NDUFA10: variants seen among roughly 807,000 people sequenced by gnomAD.
The protein encoded by NDUFA10 is NADH:ubiquinone oxidoreductase subunit A10, also known as NADH dehydrogenase [ubiquinone] 1 alpha subcomplex subunit 10, mitochondrial.
A neutral mutation model predicts 47.8 loss-of-function variants in NDUFA10; 40 were observed. The ratio of observed to expected loss-of-function variants is 0.84; its 90% CI spans 0.65 to 1.09. The LOEUF is 1.09. NDUFA10 is among the 50% of genes least tolerant of loss of function. The pLI is 0.00. For missense variants in NDUFA10, 413 were observed against 451.1 expected (o/e 0.92, Z 0.76); for synonymous variants, 183 against 172.2 (o/e 1.06, Z -0.49).
chr2:239,894,783 C>G (rs1256741339), intron 5 of NDUFA10, among the ~76,000 whole-genome samples: 1 of 152,162 alleles, frequency 6.6e-6, no homozygotes, highest in Non-Finnish European at 1.5e-5. Flanking sequence ...CTCACCATGG[C>G]TGTCTTTTGA....
intron 4 of NDUFA10, among the ~76,000 whole-genome samples, chr2:239,916,594 G>A (rs891657086): frequency 3.9e-5 from 6 of 152,248 alleles, no homozygotes; most frequent in African/African-American, 1.4e-4. Context: ...TACCAACGCT[G>A]CACAAGTGAT....
At position 239,931,108 on chromosome 2, in the gene NDUFA10, C is replaced by T. The variant is rs139645949; in HGVS notation, c.295-35794G>A. 9.2e-5 allele frequency among the ~76,000 whole-genome samples: 14 copies of T among 152,274 alleles called. No individual in the cohort carries two copies. In the South Asian group the frequency reaches 1.7e-3, roughly 18 times the overall value. On this transcript the variant is annotated intron_variant, in intron 4 of 5. Transcript: ENST00000419408. Reference sequence around the variant, plus strand: ...TTTGCTAAATTGAGTGCTTCTGGTCCCATTGGCTTTTCCCTGTGAGCATCT... The same window carrying T: ...TTTGCTAAATTGAGTGCTTCTGGTCTCATTGGCTTTTCCCTGTGAGCATCT...
At chr2:239,948,269 C>T (rs541694716) in intron 4 of NDUFA10, among the ~76,000 whole-genome samples, 144 of 152,346 alleles carry the variant, frequency 9.5e-4, no homozygotes, top group African/African-American at 3.0e-3. Flanking sequence ...GGCTGTGCTC[C>T]GGACAATGGC....
At chr2:239,991,500 T>C (rs1251607075) in intron 8 of NDUFA10, among the ~76,000 whole-genome samples, 2 of 152,208 alleles carry the variant, frequency 1.3e-5, no homozygotes, top group Non-Finnish European at 2.9e-5. Context: ...TATGCAAATA[T>C]TTTTTAAAAA....
At position 239,900,315 on chromosome 2, in the gene NDUFA10, C is replaced by CAT. The variant is rs142452963; in HGVS notation, c.295-5003_295-5002dup. Among the ~76,000 whole-genome samples, 628 of 142,018 alleles carry CAT rather than the reference C, an allele frequency of 4.4e-3. 2 individuals are homozygous for CAT. The highest frequency in any genetic ancestry group is 7.4e-3 in the Middle Eastern group (2 of 270). 93.2% of individuals were successfully genotyped at this position (142,018 alleles called of 152,430 possible). A position where few individuals can be genotyped will look rare whatever the true frequency, so the allele number is the denominator to read the frequency against. On this transcript the variant is annotated intron_variant, in intron 4 of 5. Transcript: ENST00000419408. ...CAATACTCCTTAATGAACTCCCCTTCATATATATATATATATATATATATA... is the reference window on the plus strand; with the variant it reads ...CAATACTCCTTAATGAACTCCCCTTCATATATATATATATATATATATATATA...
At chr2:239,977,855 G>A (rs1695591136) in intron 9 of NDUFA10, among the ~76,000 whole-genome samples, 1 of 152,188 alleles carries the variant, frequency 6.6e-6, no homozygotes, top group Non-Finnish European at 1.5e-5. Flanking sequence ...GGCTTTCTCA[G>A]CTACGCTCGC....
intron 4 of NDUFA10, among the ~76,000 whole-genome samples, chr2:239,925,911 C>A (rs867765860): frequency 3.3e-5 from 5 of 152,288 alleles, no homozygotes; most frequent in African/African-American, 1.2e-4. Context: ...GTTAACATCA[C>A]CAGTCACTAG....
chr2:240,022,395 G>A (rs1697660091), intron 1 of NDUFA10, 55 bp from the exon 2 acceptor site: 4 of 1,611,102 alleles, frequency 2.5e-6, no homozygotes, highest in Non-Finnish European at 2.5e-6. Flanking sequence ...GTTCCTGTAG[G>A]CATTAGTAAC....
At chr2:239,916,421 C>CACACAG (rs1161524774) in intron 4 of NDUFA10, among the ~76,000 whole-genome samples, 1 of 150,806 alleles carries the variant, frequency 6.6e-6, no homozygotes. Flanking sequence ...GTAGCGCACA[C>CACACAG]ACACAGACAC....
intron 1 of NDUFA10, among the ~76,000 whole-genome samples, chr2:240,023,463 TA>T (rs1490111338): frequency 6.6e-6 from 1 of 152,220 alleles, no homozygotes; most frequent in Non-Finnish European, 1.5e-5. Context: ...CCTAAACTGC[TA>T]ATGGTAATGA....
intron 4 of NDUFA10, among the ~76,000 whole-genome samples, chr2:239,921,753 A>G (rs1693988093): frequency 6.6e-6 from 1 of 152,072 alleles, no homozygotes. Flanking sequence ...GTGAGGTTCT[A>G]TGGATGGAGC....
chr2:239,914,278 C>G (rs1011822195), intron 4 of NDUFA10, among the ~76,000 whole-genome samples: 4 of 150,132 alleles, frequency 2.7e-5, no homozygotes, highest in African/African-American at 9.9e-5. Context: ...CACAGACACA[C>G]ACAAATATAG....
intron 6 of NDUFA10, 46 bp from the exon 7 acceptor site, chr2:240,007,416 T>A: frequency 7.5e-7 from 1 of 1,326,150 alleles, no homozygotes; most frequent in South Asian, 1.2e-5. Context: ...TTTTCCAAGC[T>A]GAAGTTAAAT....
chr2:239,908,366 T>C (rs982538744), intron 4 of NDUFA10, among the ~76,000 whole-genome samples: 3 of 152,136 alleles, frequency 2.0e-5, no homozygotes, highest in African/African-American at 7.2e-5. Flanking sequence ...CTGCACATTG[T>C]GCACATGTAC....
At chr2:239,924,833 C>A (rs1412062502) in intron 4 of NDUFA10, among the ~76,000 whole-genome samples, 1 of 152,056 alleles carries the variant, frequency 6.6e-6, no homozygotes, top group African/African-American at 2.4e-5. Flanking sequence ...TTTTAAAATT[C>A]TTAGAACTAA....
chr2:240,022,078 ATAT>A, intron 2 of NDUFA10, 91 bp downstream of exon 2: 1 of 985,010 alleles, frequency 1.0e-6, no homozygotes. Flanking sequence ...TAAATATTTA[ATAT>A]TATTTAATAT....
intron 8 of NDUFA10, among the ~76,000 whole-genome samples, chr2:240,003,239 G>A (rs887263024): frequency 7.2e-5 from 11 of 151,950 alleles, no homozygotes; most frequent in Admixed American, 5.9e-4. Flanking sequence ...GGTCATCCTA[G>A]GAGACTACTG....
intron 4 of NDUFA10, among the ~76,000 whole-genome samples, chr2:239,912,393 C>CGG (rs1248675281): frequency 1.1e-4 from 16 of 152,212 alleles, no homozygotes; most frequent in African/African-American, 3.9e-4. Context: ...GCCGCCCCTG[C>CGG]CAACGCTGGG....
At chr2:239,904,428 G>A (rs1235554098) in intron 4 of NDUFA10, among the ~76,000 whole-genome samples, 1 of 152,164 alleles carries the variant, frequency 6.6e-6, no homozygotes, top group African/African-American at 2.4e-5. Flanking sequence ...CTCCTGAGTA[G>A]CTGGGATTAC....
Sources: allele counts gnomAD v4.1 joint callset (sites outside exome capture counted in the v4.1 genomes callset), GRCh38; gene constraint gnomAD v4.1.1; transcripts MANE v1.5; gene names NCBI Gene and HGNC (gene_info 2026-07-23, HGNC 2026-07-21).